MTMR7: variants seen among roughly 807,000 people sequenced by gnomAD.
MTMR7 encodes the protein myotubularin related protein 7.
A neutral mutation model predicts 81.2 loss-of-function variants in MTMR7; 76 were observed. That is an observed-to-expected ratio of 0.94 (90% CI 0.78 to 1.13). The LOEUF is 1.13. Among genes scored for constraint, MTMR7 ranks in the 50% most tolerant of loss-of-function variants. The probability of loss-of-function intolerance (pLI) is 0.00; values close to 1 mark genes in which losing one functional copy is unlikely to be tolerated. For synonymous variants in MTMR7, 372 were observed against 289.8 expected (o/e 1.28, Z -2.88); for missense variants, 1,044 against 820.0 (o/e 1.27, Z -3.34).
rs141720261 is a variant in MTMR7 at position 17,298,876 on chromosome 8, A to T, written c.*986T>A. On this transcript the variant is annotated 3_prime_UTR_variant, in exon 14 of 14. Transcript: ENST00000180173. The stretch of plus-strand genomic sequence containing the variant: ...TGGTCATGAGATGTTACTAAGGTTA[A>T]TTAAACCATATTAGCCAGTTACATA... 7.2e-5 allele frequency: 11 copies of T among 152,358 alleles called. 1 individual carries two copies. In the East Asian group the frequency reaches 2.1e-3, roughly 29 times the overall value. 9.4% of individuals were successfully genotyped at this position (152,358 alleles called of 1,614,324 possible).
chr8:17,405,323 C>T (rs1821545781), intron 1 of MTMR7, among the ~76,000 whole-genome samples: 1 of 152,116 alleles, frequency 6.6e-6, no homozygotes, highest in Admixed American at 6.6e-5. Context: ...GGGTCAGAGA[C>T]AAAGGACATT....
intron 1 of MTMR7, among the ~76,000 whole-genome samples, chr8:17,390,904 A>AGG (rs1821087351): frequency 1.3e-5 from 2 of 152,214 alleles, no homozygotes; most frequent in Non-Finnish European, 2.9e-5. Flanking sequence ...TGGGGATTAC[A>AGG]ATTCAGATTA....
At chr8:17,371,485 T>C (rs147699770) in intron 2 of MTMR7, among the ~76,000 whole-genome samples, 27 of 152,342 alleles carry the variant, frequency 1.8e-4, no homozygotes, top group African/African-American at 6.3e-4. Context: ...TGGAAACATT[T>C]TGGTAGTCAA....
chr8:17,381,892 G>A (rs1820772429), intron 1 of MTMR7, among the ~76,000 whole-genome samples: 1 of 152,188 alleles, frequency 6.6e-6, no homozygotes, highest in Admixed American at 6.5e-5. Flanking sequence ...CTCTGGTTCT[G>A]GTTCTGAAAT....
chr8:17,311,307 C>A (rs1335452395), intron 9 of MTMR7, among the ~76,000 whole-genome samples: 1 of 152,080 alleles, frequency 6.6e-6, no homozygotes, highest in Non-Finnish European at 1.5e-5. Context: ...TTTCAATATC[C>A]CAGAAATTCA....
At chr8:17,332,176 G>C (rs1023130812) in intron 6 of MTMR7, among the ~76,000 whole-genome samples, 4 of 152,138 alleles carry the variant, frequency 2.6e-5, no homozygotes, top group Non-Finnish European at 5.9e-5. Context: ...ACCAAGGACA[G>C]GAGGGCTAAC....
chr8:17,352,004 T>C (rs1180585443), intron 4 of MTMR7, among the ~76,000 whole-genome samples: 1 of 152,154 alleles, frequency 6.6e-6, no homozygotes, highest in Non-Finnish European at 1.5e-5. Context: ...AGACTTAATA[T>C]TGTGAAGATG....
At chr8:17,383,649 T>G (rs1008263598) in intron 1 of MTMR7, among the ~76,000 whole-genome samples, 1 of 152,228 alleles carries the variant, frequency 6.6e-6, no homozygotes, top group East Asian at 1.9e-4. Flanking sequence ...GAGAGGAATA[T>G]GTTTAACAAG....
Position 17,298,347 on chromosome 8 carries a change from CTTTA to C in MTMR7, c.*1511_*1514del, listed in dbSNP as rs1291710757. ...ATTCTGAAAGAATTAATTACACTTG[CTTTA>C]TTTTTTACATTAACAGTACTTTTAA... On this transcript the variant is annotated 3_prime_UTR_variant, in exon 14 of 14. Coordinates refer to ENST00000180173, the MANE Select transcript of MTMR7 (RefSeq NM_004686.5). The C allele has an allele frequency of 3.9e-5, 6 of 151,996 alleles. No individual in the cohort carries two copies. The highest frequency in any genetic ancestry group is 4.4e-5 in the Non-Finnish European group (3 of 67,934). 9.4% of individuals were successfully genotyped at this position (151,996 alleles called of 1,614,324 possible). A position where few individuals can be genotyped will look rare whatever the true frequency, so the allele number is the denominator to read the frequency against.
intron 1 of MTMR7, among the ~76,000 whole-genome samples, chr8:17,400,611 T>C (rs1482505159): frequency 6.6e-6 from 1 of 152,188 alleles, no homozygotes; most frequent in African/African-American, 2.4e-5. Context: ...TTTGATTTTA[T>C]CAAAAGAACA....
At chr8:17,386,539 T>C (rs1421622779) in intron 1 of MTMR7, among the ~76,000 whole-genome samples, 1 of 152,160 alleles carries the variant, frequency 6.6e-6, no homozygotes, top group Non-Finnish European at 1.5e-5. Flanking sequence ...CAAAGGTCAG[T>C]GATAGGGCTG....
At chr8:17,391,128 C>T (rs1437415595) in intron 1 of MTMR7, among the ~76,000 whole-genome samples, 6 of 152,078 alleles carry the variant, frequency 3.9e-5, no homozygotes. Context: ...CAAGGGTCTA[C>T]GAGGACGTGA....
chr8:17,395,834 A>C (rs759598624), intron 1 of MTMR7, among the ~76,000 whole-genome samples: 2 of 152,208 alleles, frequency 1.3e-5, no homozygotes, highest in Non-Finnish European at 2.9e-5. Context: ...TTTTTTAAAC[A>C]GATGTAAACA....
intron 3 of MTMR7, among the ~76,000 whole-genome samples, chr8:17,366,715 T>C (rs1820234663): frequency 6.6e-6 from 1 of 151,884 alleles, no homozygotes; most frequent in Non-Finnish European, 1.5e-5. Context: ...TGAAACCCTG[T>C]CTCTACTAAA....
intron 7 of MTMR7, among the ~76,000 whole-genome samples, chr8:17,316,408 C>T (rs1404375275): frequency 6.6e-6 from 1 of 151,088 alleles, no homozygotes; most frequent in African/African-American, 2.4e-5. Context: ...ATTATTTATC[C>T]ATCCCCCTAC....
At chr8:17,354,718 A>G (rs752022854) in intron 4 of MTMR7, among the ~76,000 whole-genome samples, 22 of 152,224 alleles carry the variant, frequency 1.4e-4, no homozygotes, top group Non-Finnish European at 2.4e-4. Context: ...CAAACAAGAG[A>G]GGAAAAAGTA....
rs1816905547 is a variant in MTMR7 at position 17,298,761 on chromosome 8, C to G, written c.*1101G>C. ...TTTAATTTAGGTCACCTAGTGAAGT[C>G]TTTTTTAACTCATAAGATAGGGGAG... is the stretch of plus-strand genomic sequence containing the variant. On this transcript the variant is annotated 3_prime_UTR_variant, in exon 14 of 14. Transcript: ENST00000180173. The G allele has an allele frequency of 6.6e-6, 1 of 152,524 alleles. No individual in the cohort carries two copies. Among genetic ancestry groups the G allele is most frequent in the African/African-American group, 2.4e-5 (1 of 41,420 alleles). The allele number at this position is 152,524 out of a possible 1,614,324, so 9.4% of individuals were successfully genotyped here.
At chr8:17,311,815 G>T in intron 8 of MTMR7, 179 bp from the exon 9 acceptor site, 1 of 883,590 alleles carries the variant, frequency 1.1e-6, no homozygotes, top group Non-Finnish European at 1.7e-6. Flanking sequence ...CCTGGTGCTG[G>T]CAGCTAAAGC....
chr8:17,306,343 A>AT (rs919583906), intron 10 of MTMR7, among the ~76,000 whole-genome samples: 4 of 151,826 alleles, frequency 2.6e-5, no homozygotes, highest in Non-Finnish European at 4.4e-5. Flanking sequence ...AAGGCTCTTC[A>AT]TTTTTTGCGC....
Sources: allele counts gnomAD v4.1 joint callset (sites outside exome capture counted in the v4.1 genomes callset), GRCh38; gene constraint gnomAD v4.1.1; transcripts MANE v1.5; gene names NCBI Gene and HGNC (gene_info 2026-07-23, HGNC 2026-07-21).